Variants in STK32B observed in about 807,000 individuals in gnomAD.
STK32B encodes the protein serine/threonine-protein kinase 32B.
A neutral mutation model predicts 52.6 loss-of-function variants in STK32B; 43 were observed. That is an observed-to-expected ratio of 0.82 (90% CI 0.64 to 1.05). The LOEUF is 1.05. STK32B is among the 50% of genes least tolerant of loss of function. The pLI is 0.00. For synonymous variants in STK32B, 238 were observed against 204.3 expected, an observed-to-expected ratio of 1.17 and a Z score of -1.41; for missense variants, 621 against 534.6, an observed-to-expected ratio of 1.16 and a Z score of -1.59.
chr4:5,297,246 T>C (rs1729263081), intron 3 of STK32B, among the ~76,000 whole-genome samples: 1 of 152,176 alleles, frequency 6.6e-6, no homozygotes, highest in South Asian at 2.1e-4. Context: ...AATCTGACGA[T>C]TGTATGTCTT....
intron 1 of STK32B, among the ~76,000 whole-genome samples, chr4:5,071,753 T>C (rs1711792223): frequency 6.6e-6 from 1 of 152,224 alleles, no homozygotes. Flanking sequence ...TGGCATTTTA[T>C]TTCTTCCAGA....
chr4:5,074,188 A>G (rs77776228), intron 1 of STK32B, among the ~76,000 whole-genome samples: 16 of 148,902 alleles, frequency 1.1e-4, no homozygotes, highest in Middle Eastern at 3.5e-3. Context: ...AAATATATAT[A>G]TGTGTGTGTG....
intron 1 of STK32B, among the ~76,000 whole-genome samples, chr4:5,097,983 A>G (rs1224260959): frequency 1.3e-5 from 2 of 152,182 alleles, no homozygotes; most frequent in African/African-American, 2.4e-5. Flanking sequence ...TGGCCAGTCT[A>G]TAACAGCCTT....
chr4:5,387,702 G>A (rs1392941120), intron 4 of STK32B, among the ~76,000 whole-genome samples: 2 of 152,158 alleles, frequency 1.3e-5, no homozygotes, highest in African/African-American at 4.8e-5. Context: ...CACCAGATGG[G>A]CATCAGAGGA....
chr4:5,430,488 A>C (rs1713486504), intron 6 of STK32B, among the ~76,000 whole-genome samples: 1 of 152,184 alleles, frequency 6.6e-6, no homozygotes, highest in Non-Finnish European at 1.5e-5. Flanking sequence ...TTTCCACTAA[A>C]GCCTTTGAAA....
chr4:5,411,284 C>T (rs1422720488), intron 5 of STK32B, among the ~76,000 whole-genome samples: 3 of 152,122 alleles, frequency 2.0e-5, no homozygotes, highest in Non-Finnish European at 4.4e-5. Flanking sequence ...ATCTGCCCAC[C>T]TCGGCCTCCC....
rs537735409 is a variant in STK32B at position 5,470,672 on chromosome 4, A to G, written c.1106+2602A>G. On this transcript the variant is annotated intron_variant, in intron 11 of 11. Transcript: ENST00000282908. The surrounding 1 kb of genome is among the most constrained non-coding windows in gnomAD (Gnocchi z 4.6). ...AGAGAGCCATGCTCCATCTACCCACAGTCCTCCCTTGCTGCAGTTTCTCAG... is the reference window on the plus strand; with the variant it reads ...AGAGAGCCATGCTCCATCTACCCACGGTCCTCCCTTGCTGCAGTTTCTCAG... Among the ~76,000 whole-genome samples, 127 of 152,324 alleles carry G rather than the reference A, an allele frequency of 8.3e-4. No individual in the cohort carries two copies. Among genetic ancestry groups the G allele is most frequent in the African/African-American group, 2.7e-3 (114 of 41,576 alleles).
upstream of STK32B, among the ~76,000 whole-genome samples, chr4:5,047,593 C>G (rs915053373): frequency 1.3e-5 from 2 of 152,224 alleles, no homozygotes; most frequent in Non-Finnish European, 1.5e-5. Context: ...ATTCCATCAA[C>G]GTATATTTGT....
intron 11 of STK32B, among the ~76,000 whole-genome samples, chr4:5,483,694 A>G (rs550102839): frequency 1.9e-4 from 29 of 151,706 alleles, no homozygotes; most frequent in African/African-American, 6.1e-4. Context: ...TATCAATTTT[A>G]GATCTTTCCT....
intron 5 of STK32B, among the ~76,000 whole-genome samples, chr4:5,407,763 C>G (rs1374340280): frequency 6.6e-6 from 1 of 152,090 alleles, no homozygotes; most frequent in Non-Finnish European, 1.5e-5. Flanking sequence ...ATCCAATCAC[C>G]TCCCACCAGG....
At chr4:5,182,115 T>G (rs1720411843) in intron 3 of STK32B, among the ~76,000 whole-genome samples, 1 of 152,246 alleles carries the variant, frequency 6.6e-6, no homozygotes, top group Non-Finnish European at 1.5e-5. Flanking sequence ...TGTTCATTCA[T>G]AAGAATCAAC....
At chr4:5,408,146 C>G (rs1737798897) in intron 5 of STK32B, among the ~76,000 whole-genome samples, 1 of 152,094 alleles carries the variant, frequency 6.6e-6, no homozygotes, top group African/African-American at 2.4e-5. Flanking sequence ...CCCAAACGGA[C>G]TGAGATGGGG....
chr4:5,215,988 G>A (rs781579695), intron 3 of STK32B, among the ~76,000 whole-genome samples: 1 of 152,104 alleles, frequency 6.6e-6, no homozygotes, highest in Non-Finnish European at 1.5e-5. Flanking sequence ...TCCAAAGTTG[G>A]CCTGCAAAGA....
At chr4:5,184,128 A>G (rs773874941) in intron 3 of STK32B, among the ~76,000 whole-genome samples, 4 of 152,132 alleles carry the variant, frequency 2.6e-5, no homozygotes, top group African/African-American at 9.7e-5. Flanking sequence ...CTTTTAACCT[A>G]TTTTGGCTTT....
At chr4:5,274,775 C>T (rs527943682) in intron 3 of STK32B, among the ~76,000 whole-genome samples, 154 of 152,218 alleles carry the variant, frequency 1.0e-3, no homozygotes, top group Non-Finnish European at 1.4e-3. Context: ...TGTTACGGCT[C>T]GAGCTGAGCT....
intron 4 of STK32B, among the ~76,000 whole-genome samples, chr4:5,353,689 ATAT>A (rs1252960887): frequency 6.6e-6 from 1 of 152,210 alleles, no homozygotes; most frequent in South Asian, 2.1e-4. Context: ...GAACAAGAAG[ATAT>A]TATCTTACCC....
At chr4:5,253,173 T>C (rs1168221110) in intron 3 of STK32B, among the ~76,000 whole-genome samples, 2 of 152,102 alleles carry the variant, frequency 1.3e-5, no homozygotes, top group African/African-American at 4.8e-5. Context: ...ATCCACATGC[T>C]CTGTTGCTTC....
At chr4:5,091,689 A>G (rs929427633) in intron 1 of STK32B, among the ~76,000 whole-genome samples, 13 of 152,360 alleles carry the variant, frequency 8.5e-5, no homozygotes, top group African/African-American at 2.9e-4. Flanking sequence ...ATAGAATTAC[A>G]GTATGATTTA....
chr4:5,390,796 A>G (rs1195255507), intron 4 of STK32B, among the ~76,000 whole-genome samples: 1 of 152,062 alleles, frequency 6.6e-6, no homozygotes, highest in African/African-American at 2.4e-5. Flanking sequence ...AGATGTTGGT[A>G]CAATTGGTTC....
Sources: allele counts gnomAD v4.1 joint callset (sites outside exome capture counted in the v4.1 genomes callset), GRCh38; gene constraint gnomAD v4.1.1; non-coding constraint Gnocchi (gnomAD v3.1); transcripts MANE v1.5; gene names NCBI Gene and HGNC (gene_info 2026-07-23, HGNC 2026-07-21).